The following ACTN2 variants were observed in gnomAD, a reference collection of about 807,000 sequenced individuals.
The protein encoded by ACTN2 is alpha-actinin-2.
In ACTN2, 39 loss-of-function variants were observed where a neutral mutation model predicts 113.8. The ratio of observed to expected loss-of-function variants is 0.34; its 90% CI spans 0.27 to 0.45. The LOEUF is 0.45. Among genes scored for constraint, ACTN2 ranks in the 20% least tolerant of loss-of-function variants. The probability of loss-of-function intolerance (pLI) is 1.00; values close to 1 mark genes in which losing one functional copy is unlikely to be tolerated. For missense variants in ACTN2, 992 were observed against 1,177.9 expected, an observed-to-expected ratio of 0.84 and a Z score of 2.31; for synonymous variants, 429 against 444.1, an observed-to-expected ratio of 0.97 and a Z score of 0.43.
At chr1:236,709,528 C>T (rs1369770101) in intron 1 of ACTN2, among the ~76,000 whole-genome samples, 2 of 151,452 alleles carry the variant, frequency 1.3e-5, no homozygotes, top group African/African-American at 4.9e-5. Context: ...GGACCACTGC[C>T]GCTGTAGCTG....
chr1:236,713,258 A>G lies in ACTN2; in HGVS notation c.127-4600A>G, dbSNP rs1300787072. Reference sequence around the variant, plus strand: ...TTTTTTTCTTTTGAGACGGAGTTTCACTCCTGTTTCCCAGGCTGTAGTGCA... The same window carrying G: ...TTTTTTTCTTTTGAGACGGAGTTTCGCTCCTGTTTCCCAGGCTGTAGTGCA... On this transcript the variant is annotated intron_variant, in intron 1 of 20. Transcript: ENST00000366578. Among the ~76,000 whole-genome samples the G allele has an allele frequency of 2.0e-5, 3 of 147,028 alleles. No individual in the cohort carries two copies. In the East Asian group the frequency reaches 5.9e-4, roughly 29 times the overall value.
At chr1:236,708,066 T>C (rs543220231) in intron 1 of ACTN2, among the ~76,000 whole-genome samples, 4 of 152,128 alleles carry the variant, frequency 2.6e-5, no homozygotes, top group African/African-American at 9.6e-5. Context: ...AGCTGACTTG[T>C]CCACACTAGA....
chr1:236,762,665 CG>C lies in ACTN2; in HGVS notation c.*48del. 1 of 1,598,328 alleles carries C rather than the reference CG, an allele frequency of 6.3e-7. No homozygotes were observed. The highest frequency in any genetic ancestry group is 8.5e-7 in the Non-Finnish European group (1 of 1,171,442). Reference sequence around the variant, plus strand: ...TCATCCCATCAGAATGCAATAAAAGCGGAAGTCACAGTTTGTTTCCTGGAAA... The same window carrying C: ...TCATCCCATCAGAATGCAATAAAAGCGAAGTCACAGTTTGTTTCCTGGAAA... On this transcript the variant is annotated 3_prime_UTR_variant, in exon 21 of 21. Transcript: ENST00000366578.
At chr1:236,740,602 G>A (rs1034774365) in intron 10 of ACTN2, among the ~76,000 whole-genome samples, 5 of 147,900 alleles carry the variant, frequency 3.4e-5, no homozygotes, top group South Asian at 2.2e-4. Flanking sequence ...GCACGATCTC[G>A]GCTCACTGCA....
chr1:236,723,773 A>G (rs2102901596), intron 4 of ACTN2, among the ~76,000 whole-genome samples: 1 of 152,302 alleles, frequency 6.6e-6, no homozygotes, highest in South Asian at 2.1e-4. Flanking sequence ...TGGACAATTT[A>G]GATAAATAAT....
intron 18 of ACTN2, 79 bp downstream of exon 18, chr1:236,757,711 T>A: frequency 6.4e-7 from 1 of 1,560,958 alleles, no homozygotes; most frequent in Non-Finnish European, 8.8e-7. Context: ...TGCTCTCGTT[T>A]TAAGTCTTAA....
At chr1:236,746,187 A>C (rs1215134209) in intron 12 of ACTN2, among the ~76,000 whole-genome samples, 1 of 148,968 alleles carries the variant, frequency 6.7e-6, no homozygotes, top group African/African-American at 2.5e-5. Flanking sequence ...AAAAAAAGAA[A>C]GAAAAAAAAA....
chr1:236,740,920 A>G (rs1406996748), intron 10 of ACTN2, among the ~76,000 whole-genome samples: 2 of 151,698 alleles, frequency 1.3e-5, no homozygotes, highest in African/African-American at 2.4e-5. Context: ...GGCCTTCTCC[A>G]TCTCTGTTCA....
At position 236,762,586 on chromosome 1, in the gene ACTN2, C is replaced by G. The variant is rs1659743387; in HGVS notation, c.2652C>G (p.Phe884Leu). The change falls in exon 21 of 21, where the codon TTC becomes TTG. Residue 884 changes from phenylalanine to leucine, a missense_variant. Around this residue, in one of 3 missense-constraint regions of ACTN2, gnomAD observed 736 missense variants for 815.4 expected, o/e 0.90. Transcript: ENST00000366578. The stretch of plus-strand genomic sequence containing the variant: ...CTGGTGCACTGGATTACGCTGCGTT[C>G]TCTTCCGCACTCTACGGGGAGAGCG... ...SVPGALDYAA[F>L]SSALYGESDL is the part of the protein sequence containing the mutation. The G allele has an allele frequency of 1.9e-6, 3 of 1,614,166 alleles. No homozygotes were observed. Among genetic ancestry groups the G allele is most frequent in the Non-Finnish European group, 2.5e-6 (3 of 1,180,026 alleles).
intron 1 of ACTN2, among the ~76,000 whole-genome samples, chr1:236,704,741 G>A (rs754102553): frequency 6.6e-5 from 10 of 152,222 alleles, no homozygotes; most frequent in Admixed American, 1.3e-4. Context: ...GAACCTCCAC[G>A]TGTTCAGTTA....
chr1:236,724,547 G>A (rs548918087), intron 4 of ACTN2, among the ~76,000 whole-genome samples: 79 of 152,214 alleles, frequency 5.2e-4, no homozygotes, highest in Non-Finnish European at 9.4e-4. Context: ...GAAGGTCTCC[G>A]ACTGCAGTGC....
intron 1 of ACTN2, among the ~76,000 whole-genome samples, chr1:236,689,585 C>T (rs923442664): frequency 1.2e-4 from 19 of 152,070 alleles, no homozygotes; most frequent in African/African-American, 4.6e-4. Context: ...GTCTTGAACT[C>T]CTGGCCATTC....
At chr1:236,706,082 G>C (rs1200043587) in intron 1 of ACTN2, among the ~76,000 whole-genome samples, 1 of 151,334 alleles carries the variant, frequency 6.6e-6, no homozygotes, top group Non-Finnish European at 1.5e-5. Flanking sequence ...TCAGCTGTGA[G>C]GTTGCCTGTT....
At chr1:236,739,593 C>A in intron 10 of ACTN2, 61 bp downstream of exon 10, 2 of 1,577,732 alleles carry the variant, frequency 1.3e-6, no homozygotes, top group South Asian at 2.3e-5. Context: ...AGCCTAAAGG[C>A]GTTTGACCTG....
Position 236,762,502 on chromosome 1 carries a change from G to A in ACTN2, c.2568G>A (p.Pro856=), listed in dbSNP as rs149554430. 183 of 1,614,018 alleles carry A rather than the reference G, an allele frequency of 1.1e-4. No individual in the cohort carries two copies. Among genetic ancestry groups the A allele is most frequent in the Admixed American group, 6.3e-4 (38 of 60,002 alleles). ...AGGAGCTGCGTCGGGAGCTGCCCCC[G>A]GATCAGGCCCAGTACTGCATCAAGA... ...LAEELRRELP[P]DQAQYCIKRM... Residue 856 remains proline, a synonymous_variant, in exon 21 of 21, where the codon CCG becomes CCA. Coordinates refer to ENST00000366578, the MANE Select transcript of ACTN2 (RefSeq NM_001103.4).
At chr1:236,746,660 C>T (rs1417202879) in intron 12 of ACTN2, among the ~76,000 whole-genome samples, 1 of 151,078 alleles carries the variant, frequency 6.6e-6, no homozygotes, top group Non-Finnish European at 1.5e-5. Context: ...AACGTATGAT[C>T]ACCCCCACTG....
intron 1 of ACTN2, among the ~76,000 whole-genome samples, chr1:236,697,022 A>T (rs1237412539): frequency 6.6e-6 from 1 of 152,184 alleles, no homozygotes; most frequent in Non-Finnish European, 1.5e-5. Flanking sequence ...AGGCTGTAAA[A>T]CTGAATTCTA....
chr1:236,726,078 G>A, intron 5 of ACTN2, 58 bp downstream of exon 5: 1 of 1,480,284 alleles, frequency 6.8e-7, no homozygotes, highest in Non-Finnish European at 9.5e-7. Flanking sequence ...GGTAGCATGG[G>A]GAACAGTGTT....
Position 236,754,721 on chromosome 1 carries a change from C to T in ACTN2, c.1975-298C>T, listed in dbSNP as rs747736897. 6.6e-6 allele frequency among the ~76,000 whole-genome samples: 1 copy of T among 152,224 alleles called. No homozygotes were observed. The highest frequency in any genetic ancestry group is 1.5e-5 in the Non-Finnish European group (1 of 68,036). On this transcript the variant is annotated intron_variant, in intron 16 of 20. Transcript: ENST00000366578. This position sits in a 1 kb window ranked among gnomAD's most constrained non-coding sequence, Gnocchi z 4.9. ...AGAGCAGGGTAGCTCTGCCCGAGGGCGTTTCCTTCCCACAGCAAGAAGCTG... is the reference window on the plus strand; with the variant it reads ...AGAGCAGGGTAGCTCTGCCCGAGGGTGTTTCCTTCCCACAGCAAGAAGCTG...
Sources: allele counts gnomAD v4.1 joint callset (sites outside exome capture counted in the v4.1 genomes callset), GRCh38; gene constraint gnomAD v4.1.1; regional missense constraint gnomAD v4.1.1; non-coding constraint Gnocchi (gnomAD v3.1); transcripts MANE v1.5; gene names NCBI Gene and HGNC (gene_info 2026-07-23, HGNC 2026-07-21).